Variants in TTC6 observed in about 807,000 individuals in gnomAD.
The protein encoded by TTC6 is tetratricopeptide repeat protein 6.
A neutral mutation model predicts 210.4 loss-of-function variants in TTC6; 172 were observed. The observed-to-expected ratio is 0.82, with a 90% confidence interval of 0.72 to 0.93. The LOEUF (loss-of-function observed/expected upper bound fraction) is 0.93, where lower values mean the gene tolerates loss of function less well. TTC6 is among the 40% of genes least tolerant of loss of function. The probability of loss-of-function intolerance (pLI) is 0.00; values close to 1 mark genes in which losing one functional copy is unlikely to be tolerated. For missense variants in TTC6, 2,414 were observed against 2,318.1 expected, an observed-to-expected ratio of 1.04 and a Z score of -0.85; for synonymous variants, 804 against 819.6, an observed-to-expected ratio of 0.98 and a Z score of 0.32.
intron 5 of TTC6, among the ~76,000 whole-genome samples, chr14:37,704,421 C>T (rs1177836018): frequency 6.6e-6 from 1 of 152,028 alleles, no homozygotes; most frequent in Non-Finnish European, 1.5e-5. Flanking sequence ...CTGTTCTTTT[C>T]CTTACACCCT....
At chr14:37,738,424 G>GTT (rs5807967) in intron 9 of TTC6, among the ~76,000 whole-genome samples, 3 of 151,412 alleles carry the variant, frequency 2.0e-5, no homozygotes, top group South Asian at 2.1e-4. Flanking sequence ...CCTTCTACCA[G>GTT]TTTTTTTGCA....
At chr14:37,637,146 A>C (rs892006298) in intron 1 of TTC6, among the ~76,000 whole-genome samples, 3 of 148,244 alleles carry the variant, frequency 2.0e-5, no homozygotes, top group Non-Finnish European at 4.5e-5. Context: ...AAAACCAAAA[A>C]ACAAAACCAC....
intron 29 of TTC6, among the ~76,000 whole-genome samples, chr14:37,839,771 A>G (rs1312405794): frequency 6.6e-6 from 1 of 152,030 alleles, no homozygotes; most frequent in Non-Finnish European, 1.5e-5. Flanking sequence ...TAGAGTTTTT[A>G]TGGTTTTAGG....
At chr14:37,744,807 G>A (rs184894176) in intron 10 of TTC6, among the ~76,000 whole-genome samples, 4 of 152,226 alleles carry the variant, frequency 2.6e-5, no homozygotes, top group Admixed American at 1.3e-4. Flanking sequence ...CAGAAGGTTC[G>A]CTCTGGTTAC....
intron 2 of TTC6, among the ~76,000 whole-genome samples, chr14:37,680,873 T>G (rs1316858627): frequency 1.3e-5 from 2 of 152,150 alleles, no homozygotes. Flanking sequence ...AACAAGCTCC[T>G]GTGGTTCCTG....
intron 3 of TTC6, among the ~76,000 whole-genome samples, chr14:37,683,339 G>T (rs1263602920): frequency 6.6e-6 from 1 of 152,034 alleles, no homozygotes; most frequent in Non-Finnish European, 1.5e-5. Context: ...CCTCATTTAG[G>T]TTCATACTAA....
At chr14:37,827,287 C>G in exon 29 of TTC6, 3 of 1,613,298 alleles carry the variant, frequency 1.9e-6, no homozygotes, top group East Asian at 2.2e-5. Context: ...TACCAAGATG[C>G]AATTACTCTA....
chr14:37,748,459 G>A (rs1385492702), intron 10 of TTC6, among the ~76,000 whole-genome samples: 4 of 152,124 alleles, frequency 2.6e-5, no homozygotes, highest in Non-Finnish European at 5.9e-5. Flanking sequence ...AGCATATTAG[G>A]TATTATTTAA....
At chr14:37,791,903 C>T (rs4898760) in intron 16 of TTC6, among the ~76,000 whole-genome samples, 35,796 of 151,896 alleles carry the variant, frequency 0.24, 4,939 homozygotes, top group Admixed American at 0.36. Flanking sequence ...CACTGTCACT[C>T]GTGGCCAATA....
chr14:37,725,237 A>ATG (rs71433920), intron 7 of TTC6, among the ~76,000 whole-genome samples: 2 of 142,706 alleles, frequency 1.4e-5, no homozygotes, highest in African/African-American at 2.6e-5. Context: ...ATATGTTCAT[A>ATG]TGTGTGTGTG....
intron 1 of TTC6, among the ~76,000 whole-genome samples, chr14:37,599,411 T>C (rs1250773670): frequency 1.3e-5 from 2 of 152,214 alleles, no homozygotes; most frequent in Non-Finnish European, 2.9e-5. Context: ...CCCGGCTGTG[T>C]GTGCGTGTGC....
chr14:37,782,423 CTGTT>C (rs1272431522), intron 14 of TTC6, among the ~76,000 whole-genome samples: 1 of 152,092 alleles, frequency 6.6e-6, no homozygotes, highest in Non-Finnish European at 1.5e-5. Context: ...ATTTGGCTCT[CTGTT>C]TATCTGTTAT....
At chr14:37,663,024 A>G (rs2095740550) in intron 1 of TTC6, among the ~76,000 whole-genome samples, 1 of 152,062 alleles carries the variant, frequency 6.6e-6, no homozygotes, top group Non-Finnish European at 1.5e-5. Flanking sequence ...ATCCATGAGC[A>G]TGGAATGTTT....
intron 1 of TTC6, among the ~76,000 whole-genome samples, chr14:37,668,270 C>A (rs1324342300): frequency 6.6e-6 from 1 of 150,418 alleles, no homozygotes; most frequent in East Asian, 1.9e-4. Flanking sequence ...ATCTATTCAC[C>A]AGTTGTATCA....
At chr14:37,608,321 G>A (rs1362453362) in intron 2 of TTC6, among the ~76,000 whole-genome samples, 2 of 151,680 alleles carry the variant, frequency 1.3e-5, no homozygotes, top group African/African-American at 4.9e-5. Context: ...TGTTGTTGTT[G>A]TTTTTTGAGA....
intron 5 of TTC6, among the ~76,000 whole-genome samples, chr14:37,702,006 C>T (rs1449478716): frequency 2.0e-5 from 3 of 152,078 alleles, no homozygotes; most frequent in Non-Finnish European, 4.4e-5. Context: ...TCTCACCTTC[C>T]TTTGGAATCT....
rs2095608219 is a variant in TTC6 at position 37,598,208 on chromosome 14, G to A, written c.-235+2200G>A. Among the ~76,000 whole-genome samples, 2 of 152,210 alleles carry A rather than the reference G, an allele frequency of 1.3e-5. No homozygotes were observed. The highest frequency in any genetic ancestry group is 2.4e-5 in the African/African-American group (1 of 41,462). ...TGTGCTGCTCGTTGGAGGAAACCAG[G>A]CCTGTCTTCAGCTGTGGGGAGGATG... On this transcript the variant is annotated intron_variant, in intron 1 of 2. Transcript: ENST00000556845. This position sits in a 1 kb window ranked among gnomAD's most constrained non-coding sequence, Gnocchi z 4.9.
At chr14:37,816,495 C>G (rs1483485862) in intron 25 of TTC6, among the ~76,000 whole-genome samples, 1 of 152,084 alleles carries the variant, frequency 6.6e-6, no homozygotes, top group Non-Finnish European at 1.5e-5. Context: ...TTTCCTTTTG[C>G]CACTCCACAG....
intron 22 of TTC6, 126 bp from the exon 25 acceptor site, chr14:37,807,194 T>A: frequency 1.1e-6 from 1 of 899,610 alleles, no homozygotes; most frequent in Non-Finnish European, 1.5e-6. Flanking sequence ...AGAAAAATTT[T>A]AAAAAGACTA....
Sources: allele counts gnomAD v4.1 joint callset (sites outside exome capture counted in the v4.1 genomes callset), GRCh38; gene constraint gnomAD v4.1.1; non-coding constraint Gnocchi (gnomAD v3.1); transcripts MANE v1.5; gene names NCBI Gene and HGNC (gene_info 2026-07-23, HGNC 2026-07-21).